IARS1: variants seen among roughly 807,000 people sequenced by gnomAD.
IARS1 encodes isoleucine--tRNA ligase, cytoplasmic.
IARS1 carries 124 observed loss-of-function variants against 168.2 expected under a neutral mutation model. The ratio of observed to expected loss-of-function variants is 0.74; its 90% CI spans 0.64 to 0.86. The LOEUF (loss-of-function observed/expected upper bound fraction) is 0.86. Among genes scored for constraint, IARS1 ranks in the 40% least tolerant of loss-of-function variants. The pLI, the probability that IARS1 is intolerant of heterozygous loss-of-function variation, is 0.00. For synonymous variants in IARS1, 532 were observed against 529.4 expected (o/e 1.00, Z -0.07); for missense variants, 1,452 against 1,515.8 (o/e 0.96, Z 0.70).
chr9:92,289,970 T>C (rs1484134277), intron 1 of IARS1, among the ~76,000 whole-genome samples: 1 of 152,228 alleles, frequency 6.6e-6, no homozygotes, highest in Non-Finnish European at 1.5e-5. Context: ...CTTGGATACC[T>C]GTATTGTTTC....
chr9:92,255,170 T>C (rs1830548622), intron 20 of IARS1, among the ~76,000 whole-genome samples: 1 of 152,234 alleles, frequency 6.6e-6, no homozygotes, highest in African/African-American at 2.4e-5. Context: ...TGGACTGTCG[T>C]GATCCTTCTA....
At position 92,268,212 on chromosome 9, in the gene IARS1, T is replaced by A; in HGVS notation, c.1393A>T (p.Thr465Ser). 1 of 1,610,434 alleles carries A rather than the reference T, an allele frequency of 6.2e-7. No individual in the cohort carries two copies. Among genetic ancestry groups the A allele is most frequent in the South Asian group, 1.1e-5 (1 of 90,184 alleles). ...WTISRNRYWG[T>S]PIPLWVSDDF... ...TCGCTGACCCACAGTGGGATGGGGGTGCCCCAGTATCTGTTTCTGGAAATT... is the reference window on the plus strand; with the variant it reads ...TCGCTGACCCACAGTGGGATGGGGGAGCCCCAGTATCTGTTTCTGGAAATT... Residue 465 changes from threonine (T) to serine (S), a missense_variant, in exon 14 of 34, where the codon ACC becomes TCC. Coordinates refer to ENST00000443024, the MANE Select transcript of IARS1 (RefSeq NM_002161.6).
chr9:92,217,709 C>T (rs1273734795), intron 33 of IARS1, among the ~76,000 whole-genome samples: 2 of 152,048 alleles, frequency 1.3e-5, no homozygotes, highest in East Asian at 3.8e-4. Flanking sequence ...ATACATTCTC[C>T]CAAGACTAAA....
intron 11 of IARS1, 85 bp downstream of exon 11, chr9:92,271,448 T>C: frequency 1.9e-6 from 3 of 1,542,774 alleles, no homozygotes; most frequent in Non-Finnish European, 2.7e-6. Flanking sequence ...AACAACTTCC[T>C]AGAAGAATTA....
At chr9:92,256,161 C>G (rs1029648617) in intron 20 of IARS1, among the ~76,000 whole-genome samples, 2 of 151,538 alleles carry the variant, frequency 1.3e-5, no homozygotes, top group African/African-American at 4.8e-5. Flanking sequence ...AGGACACCCC[C>G]TAAAGACAGA....
intron 30 of IARS1, among the ~76,000 whole-genome samples, chr9:92,239,510 T>C (rs1828038920): frequency 6.6e-6 from 1 of 152,232 alleles, no homozygotes; most frequent in South Asian, 2.1e-4. Flanking sequence ...ATGATATATG[T>C]AGATGTGGAT....
intron 30 of IARS1, among the ~76,000 whole-genome samples, chr9:92,238,416 T>G (rs1474424124): frequency 6.6e-6 from 1 of 152,216 alleles, no homozygotes; most frequent in African/African-American, 2.4e-5. Flanking sequence ...GTTCATGCGA[T>G]AGCTGGTTAT....
chr9:92,273,414 G>C (rs1303458453), intron 10 of IARS1, among the ~76,000 whole-genome samples: 1 of 152,104 alleles, frequency 6.6e-6, no homozygotes, highest in African/African-American at 2.4e-5. Context: ...GAATTACTTA[G>C]ACACGAAAGA....
intron 6 of IARS1, among the ~76,000 whole-genome samples, chr9:92,284,351 G>A (rs1178584095): frequency 1.3e-5 from 2 of 151,972 alleles, no homozygotes; most frequent in African/African-American, 4.9e-5. Context: ...TGGAAGGAAA[G>A]TGGGAAAGAA....
At chr9:92,233,907 G>A (rs73516529) in intron 30 of IARS1, among the ~76,000 whole-genome samples, 1,702 of 152,120 alleles carry the variant, frequency 0.011, 38 homozygotes, top group African/African-American at 0.038. Context: ...GACTAAAGGC[G>A]AACACCACCA....
intron 11 of IARS1, 43 bp from the exon 12 acceptor site, chr9:92,271,119 A>G: frequency 8.2e-7 from 1 of 1,213,794 alleles, no homozygotes; most frequent in Non-Finnish European, 1.2e-6. Flanking sequence ...ACATACTATA[A>G]TACTTAGGAA....
In IARS1 at chr9:92,251,899, A is replaced by T. The variant is rs2133710279; in HGVS notation, c.2230-14T>A. 2 of 1,573,980 alleles carry T rather than the reference A, an allele frequency of 1.3e-6. No individual in the cohort carries two copies. Among genetic ancestry groups the T allele is most frequent in the East Asian group, 4.5e-5 (2 of 44,710 alleles). ...CCCATTTTCACCCTAATGAGTAAAA[A>T]GGAAACATAAACATTAAACTGTTAA... On this transcript the variant is annotated splice_polypyrimidine_tract_variant and intron_variant, in intron 21 of 33. Coordinates refer to ENST00000443024, the MANE Select transcript of IARS1 (RefSeq NM_002161.6).
Position 92,274,784 on chromosome 9 carries a change from G to A in IARS1, c.895-263C>T, listed in dbSNP as rs145710277. On this transcript the variant is annotated intron_variant, in intron 9 of 33. Transcript: ENST00000443024. ...ATTTCTAATTTCCTTGGTTACAAAC[G>A]TGTTTTTCATTAGTTCTCCCTCCCC... is the stretch of plus-strand genomic sequence containing the variant. 1.8e-3 allele frequency among the ~76,000 whole-genome samples: 273 copies of A among 152,238 alleles called. 1 individual carries two copies. Among genetic ancestry groups the A allele is most frequent in the African/African-American group, 6.2e-3 (259 of 41,536 alleles).
intron 33 of IARS1, among the ~76,000 whole-genome samples, chr9:92,211,363 C>A (rs1159025772): frequency 2.6e-5 from 3 of 114,264 alleles, no homozygotes; most frequent in Admixed American, 8.4e-5. Flanking sequence ...CTCTCTCTCT[C>A]TCACTCTCGC....
chr9:92,225,589 T>TA (rs1411735278), intron 31 of IARS1, among the ~76,000 whole-genome samples: 10 of 151,074 alleles, frequency 6.6e-5, no homozygotes, highest in African/African-American at 2.5e-4. Flanking sequence ...TTTTTTTTTT[T>TA]TAATCTACTA....
chr9:92,273,879 G>A (rs1049065556), intron 10 of IARS1, among the ~76,000 whole-genome samples: 1 of 152,222 alleles, frequency 6.6e-6, no homozygotes, highest in African/African-American at 2.4e-5. Context: ...GGCAAAAGAA[G>A]TCCAGATAGG....
intron 10 of IARS1, among the ~76,000 whole-genome samples, chr9:92,273,958 G>A (rs996862780): frequency 4.6e-5 from 7 of 152,240 alleles, no homozygotes; most frequent in African/African-American, 1.7e-4. Context: ...GTGGTTTACT[G>A]TAAAGCATGT....
At chr9:92,282,288 T>C (rs1834703459) in intron 6 of IARS1, among the ~76,000 whole-genome samples, 1 of 151,922 alleles carries the variant, frequency 6.6e-6, no homozygotes, top group African/African-American at 2.4e-5. Context: ...TGAAACTACA[T>C]CAAAATTAAT....
rs1834449388 is a variant in IARS1, at chr9:92,280,895, T to A, written c.598-2A>T. 5 of 1,599,650 alleles carry A rather than the reference T, an allele frequency of 3.1e-6. No individual in the cohort carries two copies. The highest frequency in any genetic ancestry group is 4.3e-6 in the Non-Finnish European group (5 of 1,169,508). On this transcript the variant is annotated splice_acceptor_variant, in intron 6 of 33. Coordinates refer to ENST00000443024, the MANE Select transcript of IARS1 (RefSeq NM_002161.6). LOFTEE classifies it high-confidence loss of function. ...AAATACTGAAGGATCTTGAACATCC[T>A]GAAATAAATTGAGGTAAAGTATTGT... is the stretch of plus-strand genomic sequence containing the variant.
Sources: gnomAD v4.1 joint callset for allele counts (sites outside exome capture counted in the v4.1 genomes callset) on GRCh38, gnomAD v4.1.1 for gene constraint, MANE v1.5 for transcripts, NCBI Gene and HGNC (gene_info 2026-07-23, HGNC 2026-07-21) for gene names.